NREP: variants seen among roughly 807,000 people sequenced by gnomAD.
NREP encodes the protein neuronal regeneration related protein.
In NREP, 5 loss-of-function variants were observed where a neutral mutation model predicts 8.6. The observed-to-expected ratio is 0.58, with a 90% CI of 0.30 to 1.22. The LOEUF is 1.22. Ranked by LOEUF, NREP falls within the 50% of genes most tolerant of loss-of-function variation. The pLI is 0.07. For missense variants in NREP, 86 were observed against 82.5 expected (o/e 1.04, Z -0.17); for synonymous variants, 27 against 28.0 (o/e 0.96, Z 0.11).
intron 2 of NREP, among the ~76,000 whole-genome samples, chr5:111,824,310 A>C (rs371277304): frequency 2.6e-5 from 4 of 152,250 alleles, no homozygotes; most frequent in Non-Finnish European, 5.9e-5. Flanking sequence ...CGGAGCTTCC[A>C]GTGAGCAGAA....
At chr5:111,813,247 C>G (rs974518415) in intron 2 of NREP, among the ~76,000 whole-genome samples, 1 of 152,140 alleles carries the variant, frequency 6.6e-6, no homozygotes, top group African/African-American at 2.4e-5. Flanking sequence ...ATAGACTTTT[C>G]TAACAGATGG....
intron 2 of NREP, among the ~76,000 whole-genome samples, chr5:111,920,746 T>C (rs184496041): frequency 1.8e-4 from 28 of 152,258 alleles, no homozygotes; most frequent in Middle Eastern, 3.4e-3. Flanking sequence ...AGTTACTCCA[T>C]GTTCCTTATC....
intron 2 of NREP, among the ~76,000 whole-genome samples, chr5:111,908,937 G>A (rs1342968213): frequency 6.6e-6 from 1 of 151,904 alleles, no homozygotes; most frequent in Non-Finnish European, 1.5e-5. Flanking sequence ...GTGTGAGTTG[G>A]TATCTCACTG....
intron 2 of NREP, among the ~76,000 whole-genome samples, chr5:111,852,073 G>A (rs1356168078): frequency 6.6e-6 from 1 of 152,140 alleles, no homozygotes; most frequent in Non-Finnish European, 1.5e-5. Context: ...CCTCATGAGT[G>A]GAGTAGTGCC....
intron 2 of NREP, among the ~76,000 whole-genome samples, chr5:111,827,155 T>C (rs1334498783): frequency 1.3e-5 from 2 of 152,214 alleles, no homozygotes; most frequent in Non-Finnish European, 2.9e-5. Flanking sequence ...ATGTTGAGAT[T>C]GATCAGTGAT....
intron 2 of NREP, among the ~76,000 whole-genome samples, chr5:111,809,690 G>A (rs1266475433): frequency 6.6e-6 from 1 of 152,050 alleles, no homozygotes; most frequent in Admixed American, 6.6e-5. Flanking sequence ...CAGAAGCCAA[G>A]GCCACGCCCT....
intron 2 of NREP, among the ~76,000 whole-genome samples, chr5:111,861,351 T>C (rs1467019319): frequency 1.3e-5 from 2 of 152,158 alleles, no homozygotes; most frequent in African/African-American, 2.4e-5. Context: ...GTAGTGACTC[T>C]GGTGGCTACT....
intron 2 of NREP, chr5:111,975,131 A>G (rs1019542935): frequency 2.7e-5 from 17 of 634,152 alleles, no homozygotes; most frequent in Non-Finnish European, 4.8e-5. Flanking sequence ...TAGGCTGAAA[A>G]GCCTGAATTA....
intron 2 of NREP, among the ~76,000 whole-genome samples, chr5:111,950,580 A>G (rs1243234319): frequency 6.6e-6 from 1 of 152,018 alleles, no homozygotes; most frequent in Non-Finnish European, 1.5e-5. Context: ...TTCTGCACGC[A>G]AAAGAAACTA....
At chr5:111,932,714 G>C (rs769436107) in intron 2 of NREP, among the ~76,000 whole-genome samples, 5 of 151,940 alleles carry the variant, frequency 3.3e-5, no homozygotes, top group Non-Finnish European at 5.9e-5. Flanking sequence ...TTGATATCTG[G>C]TATATAAGAC....
intron 2 of NREP, among the ~76,000 whole-genome samples, chr5:111,864,016 G>A (rs1442353600): frequency 6.6e-6 from 1 of 152,122 alleles, no homozygotes; most frequent in Non-Finnish European, 1.5e-5. Context: ...AGCTCACAAA[G>A]ATTCAAGAGA....
intron 2 of NREP, among the ~76,000 whole-genome samples, chr5:111,814,736 G>A (rs965187018): frequency 1.3e-5 from 2 of 152,022 alleles, no homozygotes; most frequent in African/African-American, 4.8e-5. Context: ...AAGAGACTTG[G>A]GAAGGCTAAA....
intron 2 of NREP, among the ~76,000 whole-genome samples, chr5:111,894,543 G>C (rs1000680458): frequency 6.6e-6 from 1 of 151,742 alleles, no homozygotes; most frequent in Non-Finnish European, 1.5e-5. Context: ...TTGATCTCTC[G>C]AGTCAAACCA....
At chr5:111,747,429 A>G (rs1750076957) in intron 2 of NREP, among the ~76,000 whole-genome samples, 1 of 152,146 alleles carries the variant, frequency 6.6e-6, no homozygotes, top group Admixed American at 6.6e-5. Flanking sequence ...GAAATGTATC[A>G]AACTCAATTC....
At chr5:111,768,173 CTCTG>C (rs1751130678) in intron 2 of NREP, among the ~76,000 whole-genome samples, 1 of 152,134 alleles carries the variant, frequency 6.6e-6, no homozygotes, top group South Asian at 2.1e-4. Context: ...CTGCCCCTCT[CTCTG>C]TCTGTGAGGT....
At chr5:111,866,204 G>A (rs1753660448) in intron 2 of NREP, among the ~76,000 whole-genome samples, 1 of 152,076 alleles carries the variant, frequency 6.6e-6, no homozygotes, top group African/African-American at 2.4e-5. Context: ...TACCATCAGA[G>A]TGAACAGGCA....
At chr5:111,915,155 C>A (rs182347681) in intron 2 of NREP, among the ~76,000 whole-genome samples, 18 of 152,154 alleles carry the variant, frequency 1.2e-4, no homozygotes, top group African/African-American at 4.3e-4. Flanking sequence ...GCTATGCACA[C>A]AGGGAACTGG....
intron 2 of NREP, among the ~76,000 whole-genome samples, chr5:111,813,229 T>G (rs1752308258): frequency 6.6e-6 from 1 of 152,184 alleles, no homozygotes; most frequent in Non-Finnish European, 1.5e-5. Context: ...TTGATGGTGA[T>G]TTCATCTATA....
At chr5:111,738,373 G>A (rs1423479044) in intron 2 of NREP, 2 of 152,190 alleles carry the variant, frequency 1.3e-5, no homozygotes, top group Non-Finnish European at 1.5e-5. Flanking sequence ...TGGAGAATGG[G>A]TGATCCCAAG....
Sources: allele counts gnomAD v4.1 joint callset (sites outside exome capture counted in the v4.1 genomes callset), GRCh38; gene constraint gnomAD v4.1.1; transcripts MANE v1.5; gene names NCBI Gene and HGNC (gene_info 2026-07-23, HGNC 2026-07-21).